Variants in ARHGEF10 observed in about 807,000 individuals in gnomAD.
ARHGEF10 encodes the protein Rho guanine nucleotide exchange factor 10.
A neutral mutation model predicts 147.4 loss-of-function variants in ARHGEF10; 140 were observed. The ratio of observed to expected loss-of-function variants is 0.95; its 90% CI spans 0.83 to 1.09. The LOEUF is 1.09. Among genes scored for constraint, ARHGEF10 ranks in the 50% least tolerant of loss-of-function variants. ARHGEF10 has a pLI of 0.00. For missense variants in ARHGEF10, 2,222 were observed against 1,752.7 expected, an observed-to-expected ratio of 1.27 and a Z score of -4.78; for synonymous variants, 902 against 695.8, an observed-to-expected ratio of 1.30 and a Z score of -4.67.
intron 24 of ARHGEF10, among the ~76,000 whole-genome samples, 179 bp from the exon 25 acceptor site, chr8:1,929,107 T>C (rs1441404510): frequency 6.6e-6 from 1 of 152,192 alleles, no homozygotes; most frequent in African/African-American, 2.4e-5. Context: ...AATTTCCCTT[T>C]TAAAAATAAA....
chr8:1,843,171 G>A (rs566136073), intron 1 of ARHGEF10, among the ~76,000 whole-genome samples, 182 bp from the exon 2 acceptor site: 2 of 152,356 alleles, frequency 1.3e-5, no homozygotes, highest in Admixed American at 1.3e-4. Context: ...TTTTGCTCTT[G>A]AATGTTGTTT....
intron 21 of ARHGEF10, among the ~76,000 whole-genome samples, 188 bp downstream of exon 21, chr8:1,924,062 G>A (rs1812500063): frequency 6.6e-6 from 1 of 152,200 alleles, no homozygotes; most frequent in African/African-American, 2.4e-5. Context: ...TTAAAATAGA[G>A]GGATCGCATA....
chr8:1,934,027 T>C, intron 26 of ARHGEF10, 85 bp downstream of exon 26: 1 of 1,581,084 alleles, frequency 6.3e-7, no homozygotes, highest in African/African-American at 1.3e-5. Context: ...AGTCAAGGCT[T>C]CTTGCCTGTG....
chr8:1,916,367 A>G (rs2129196682), intron 18 of ARHGEF10, among the ~76,000 whole-genome samples: 1 of 152,344 alleles, frequency 6.6e-6, no homozygotes. Context: ...AACCCCATGA[A>G]GCTATAGGGA....
At chr8:1,845,255 C>T (rs1430753713) in intron 2 of ARHGEF10, among the ~76,000 whole-genome samples, 3 of 152,346 alleles carry the variant, frequency 2.0e-5, no homozygotes, top group Non-Finnish European at 2.9e-5. Flanking sequence ...GTGGCCTTAC[C>T]CTCCACGGGC....
chr8:1,886,667 G>A lies in ARHGEF10; in HGVS notation c.1182+960G>A, dbSNP rs183780264. 2.0e-3 allele frequency among the ~76,000 whole-genome samples: 308 copies of A among 152,292 alleles called. 1 individual carries two copies. The highest frequency in any genetic ancestry group is 5.0e-3 in the Admixed American group (76 of 15,294). ...AGTTGTTGAGGAGCTGTCACTCATG[G>A]GTGTGCATGCTCTGTGCAGGCCCCG... On this transcript the variant is annotated intron_variant, in intron 11 of 28. Transcript: ENST00000349830.
intron 12 of ARHGEF10, among the ~76,000 whole-genome samples, chr8:1,894,076 A>T (rs1809768018): frequency 6.6e-6 from 1 of 151,688 alleles, no homozygotes; most frequent in Non-Finnish European, 1.5e-5. Context: ...CGGGAGGCTG[A>T]GGCAGGAGAA....
intron 26 of ARHGEF10, among the ~76,000 whole-genome samples, chr8:1,935,471 C>T (rs144498711): frequency 9.9e-5 from 15 of 151,286 alleles, no homozygotes; most frequent in African/African-American, 3.1e-4. Flanking sequence ...CCCCCAGTCT[C>T]GGCAACCACT....
At chr8:1,877,479 C>T (rs537235777) in intron 8 of ARHGEF10, among the ~76,000 whole-genome samples, 41 of 152,328 alleles carry the variant, frequency 2.7e-4, no homozygotes, top group East Asian at 5.8e-4. Flanking sequence ...CTGCCCACCT[C>T]GGCCTCCCAA....
At chr8:1,951,811 T>C (rs1034474258) in intron 27 of ARHGEF10, among the ~76,000 whole-genome samples, 1 of 152,004 alleles carries the variant, frequency 6.6e-6, no homozygotes, top group Admixed American at 6.6e-5. Context: ...TGTGGTGGAA[T>C]GATGTGACAG....
intron 6 of ARHGEF10, among the ~76,000 whole-genome samples, chr8:1,868,601 G>A (rs951963943): frequency 1.3e-5 from 2 of 152,154 alleles, no homozygotes; most frequent in African/African-American, 2.4e-5. Flanking sequence ...AGTGTTGCAC[G>A]TGATACAGAT....
At chr8:1,910,369 A>T (rs1265022360) in intron 18 of ARHGEF10, among the ~76,000 whole-genome samples, 1 of 152,112 alleles carries the variant, frequency 6.6e-6, no homozygotes, top group African/African-American at 2.4e-5. Context: ...TCGCTTTGGG[A>T]CCGCTTTTAT....
At chr8:1,895,761 C>T (rs1427039073) in intron 13 of ARHGEF10, among the ~76,000 whole-genome samples, 1 of 152,186 alleles carries the variant, frequency 6.6e-6, no homozygotes. Context: ...CTTAGAATAA[C>T]ATGGAGTGAT....
chr8:1,922,681 T>C (rs1331975547), intron 18 of ARHGEF10, among the ~76,000 whole-genome samples: 1 of 152,154 alleles, frequency 6.6e-6, no homozygotes, highest in Non-Finnish European at 1.5e-5. Flanking sequence ...GTCCCGGATT[T>C]GACGGTCATG....
chr8:1,875,746 C>T (rs1807643023), intron 7 of ARHGEF10, among the ~76,000 whole-genome samples: 1 of 152,304 alleles, frequency 6.6e-6, no homozygotes, highest in South Asian at 2.1e-4. Context: ...TCTAATTTTG[C>T]ATTTCCAGTG....
chr8:1,893,721 A>T, intron 12 of ARHGEF10, 75 bp downstream of exon 12: 3 of 1,183,896 alleles, frequency 2.5e-6, no homozygotes, highest in Non-Finnish European at 3.8e-6. Context: ...TGATCCATAA[A>T]TGCAAAGCAT....
At chr8:1,863,559 C>T (rs367677597) in intron 4 of ARHGEF10, among the ~76,000 whole-genome samples, 29 of 152,186 alleles carry the variant, frequency 1.9e-4, no homozygotes, top group African/African-American at 6.3e-4. Flanking sequence ...CTTGGTGCCA[C>T]GCGGCTGGGC....
intron 2 of ARHGEF10, among the ~76,000 whole-genome samples, chr8:1,849,939 T>G (rs1180806710): frequency 7.6e-6 from 1 of 131,774 alleles, no homozygotes; most frequent in African/African-American, 3.0e-5. Context: ...GCCGGCTGCG[T>G]GGACACAGAG....
rs371999296 is a variant in ARHGEF10, at chr8:1,920,165, G to A, written c.2144-2799G>A. 4.7e-5 allele frequency among the ~76,000 whole-genome samples: 7 copies of A among 150,454 alleles called. No homozygotes were observed. In the East Asian group the frequency reaches 5.9e-4, roughly 13 times the overall value. On this transcript the variant is annotated intron_variant, in intron 18 of 28. Transcript: ENST00000349830. ...TGGAGTTCTCCCTCAGGCTTACTGC[G>A]GAGATGTTCACGTGCATTTATACAT... is the stretch of plus-strand genomic sequence containing the variant.
Sources: allele counts gnomAD v4.1 joint callset (sites outside exome capture counted in the v4.1 genomes callset), GRCh38; gene constraint gnomAD v4.1.1; transcripts MANE v1.5; gene names NCBI Gene and HGNC (gene_info 2026-07-23, HGNC 2026-07-21).